Variants in RRAS observed in about 807,000 individuals in gnomAD.
RRAS encodes RAS related.
In RRAS, 18 loss-of-function variants were observed where a neutral mutation model predicts 23.3. The ratio of observed to expected loss-of-function variants is 0.77; its 90% CI spans 0.53 to 1.15. The LOEUF is 1.15. RRAS is among the 50% of genes most tolerant of loss of function. RRAS has a pLI of 0.00. For missense variants in RRAS, 291 were observed against 317.1 expected, an observed-to-expected ratio of 0.92 and a Z score of 0.62; for synonymous variants, 133 against 138.3, an observed-to-expected ratio of 0.96 and a Z score of 0.27.
chr19:49,638,828 G>T (rs1415098140), intron 1 of RRAS, among the ~76,000 whole-genome samples: 1 of 151,720 alleles, frequency 6.6e-6, no homozygotes, highest in Non-Finnish European at 1.5e-5. Context: ...CCATGGAGAT[G>T]ATTTGAGAGC....
At position 49,636,013 on chromosome 19, in the gene RRAS, G is replaced by A. The variant is rs1020919884; in HGVS notation, c.454-161C>T. 6.6e-6 allele frequency among the ~76,000 whole-genome samples: 1 copy of A among 152,208 alleles called. No homozygotes were observed. The highest frequency in any genetic ancestry group is 1.9e-4 in the East Asian group (1 of 5,192). ...GATTATGGAGGGAGATGCCGCAGGG[G>A]CTTGGTGTCTTCTAAGTAAGGGATG... On this transcript the variant is annotated intron_variant, in intron 4 of 5. Coordinates refer to ENST00000246792, the MANE Select transcript of RRAS (RefSeq NM_006270.5). This position sits in a 1 kb window ranked among gnomAD's most constrained non-coding sequence, Gnocchi z 4.5.
At chr19:49,639,559 G>A (rs2081012702) in intron 1 of RRAS, among the ~76,000 whole-genome samples, 1 of 152,102 alleles carries the variant, frequency 6.6e-6, no homozygotes, top group Non-Finnish European at 1.5e-5. Flanking sequence ...CTGGGATTTG[G>A]GGGAGATAGG....
At chr19:49,638,886 A>C (rs944008954) in intron 1 of RRAS, among the ~76,000 whole-genome samples, 4 of 133,168 alleles carry the variant, frequency 3.0e-5, no homozygotes, top group African/African-American at 1.1e-4. Flanking sequence ...CGGAGAAAGC[A>C]TGGGATGGAG....
chr19:49,638,170 C>T (rs2081005622), intron 1 of RRAS, among the ~76,000 whole-genome samples: 1 of 152,162 alleles, frequency 6.6e-6, no homozygotes, highest in Non-Finnish European at 1.5e-5. Flanking sequence ...GGTTCCAATC[C>T]GGCTGCGGAG....
chr19:49,638,273 T>C (rs2122424135), intron 1 of RRAS, among the ~76,000 whole-genome samples: 1 of 152,176 alleles, frequency 6.6e-6, no homozygotes, highest in East Asian at 1.9e-4. Flanking sequence ...GGACTGCCTC[T>C]GGGTGCAAGG....
chr19:49,640,110 T>A lies in RRAS; in HGVS notation c.-12A>T, dbSNP rs1474580777. On this transcript the variant is annotated 5_prime_UTR_variant, in exon 1 of 6. Coordinates refer to ENST00000246792, the MANE Select transcript of RRAS (RefSeq NM_006270.5). Reference sequence around the variant, plus strand: ...GCCCCGCTGCTCATGTCGCCACCGCTGCTGCTGCCTTCGCTACCGCCTGCG... The same window carrying A: ...GCCCCGCTGCTCATGTCGCCACCGCAGCTGCTGCCTTCGCTACCGCCTGCG... 20 of 1,371,754 alleles carry A rather than the reference T, an allele frequency of 1.5e-5. No individual in the cohort carries two copies. The South Asian group carries it at 2.1e-4, about 14-fold the overall frequency. The allele number at this position is 1,371,754 out of a possible 1,614,324, so 85.0% of individuals were successfully genotyped here. A position where few individuals can be genotyped will look rare whatever the true frequency, so the allele number is the denominator to read the frequency against.
rs1230414633 is a variant in RRAS at position 49,636,712 on chromosome 19, GC to G, written c.359del (p.Gly120AlafsTer114). The G allele has an allele frequency of 6.2e-7, 1 of 1,614,062 alleles. No homozygotes were observed. The highest frequency in any genetic ancestry group is 8.5e-7 in the Non-Finnish European group (1 of 1,179,954). On this transcript the variant is annotated frameshift_variant, in exon 4 of 6. Transcript: ENST00000246792. LOFTEE classifies it high-confidence loss of function. The surrounding 1 kb of genome is among the most constrained non-coding windows in gnomAD (Gnocchi z 4.5). ...INDRQSFNEV[G>X]KLFTQILRVK... The stretch of plus-strand genomic sequence containing the variant: ...CCCGCAGAATCTGCGTGAAGAGCTT[GC>G]CCACCTCGTTGAAACTGCGAGTGAA...
chr19:49,637,147 A>G lies in RRAS; in HGVS notation c.154-17T>C, dbSNP rs1200263443. 13 of 1,599,520 alleles carry G rather than the reference A, an allele frequency of 8.1e-6. No individual in the cohort carries two copies. In the Admixed American group the frequency reaches 2.2e-4, roughly 27 times the overall value. On this transcript the variant is annotated splice_polypyrimidine_tract_variant and intron_variant, in intron 1 of 5. Transcript: ENST00000246792. Reference sequence around the variant, plus strand: ...GAAGTAGGACTGGCGGGGTGGGGAGAGGATAGTTACTGCAGTGCCCCGGCA... The same window carrying G: ...GAAGTAGGACTGGCGGGGTGGGGAGGGGATAGTTACTGCAGTGCCCCGGCA...
intron 1 of RRAS, among the ~76,000 whole-genome samples, chr19:49,639,013 G>A (rs1364877932): frequency 6.6e-6 from 1 of 152,060 alleles, no homozygotes; most frequent in Non-Finnish European, 1.5e-5. Context: ...GGGGCAGGAT[G>A]TCTTTTTAAA....
chr19:49,637,852 A>G (rs1599814611), intron 1 of RRAS, among the ~76,000 whole-genome samples: 1 of 143,302 alleles, frequency 7.0e-6, no homozygotes, highest in Non-Finnish European at 1.5e-5. Flanking sequence ...CATGTCCCAC[A>G]TCGTGATTAC....
rs1392082765 is a variant in RRAS at position 49,639,993 on chromosome 19, C to T, written c.106G>A (p.Gly36Ser). 1 of 1,587,004 alleles carries T rather than the reference C, an allele frequency of 6.3e-7. No individual in the cohort carries two copies. The highest frequency in any genetic ancestry group is 8.5e-7 in the Non-Finnish European group (1 of 1,173,306). ...GCGCTCTTGCCCACGCCGCCGCCGC[C>T]CACGACCACCAGCTTGTGTGTCTCG... ...PSETHKLVVV[G>S]GGGVGKSALT... The change falls in exon 1 of 6, where the codon GGC (glycine) becomes AGC (serine). Residue 36 changes from glycine to serine, a missense_variant. Gly to Ser is a moderately conservative substitution (Grantham distance 56). Coordinates refer to ENST00000246792, the MANE Select transcript of RRAS (RefSeq NM_006270.5).
Position 49,636,817 on chromosome 19 carries a change from C to T in RRAS, c.344+7G>A. 1 of 1,612,376 alleles carries T rather than the reference C, an allele frequency of 6.2e-7. No homozygotes were observed. Among genetic ancestry groups the T allele is most frequent in the Non-Finnish European group, 8.5e-7 (1 of 1,179,318 alleles). On this transcript the variant is annotated splice_region_variant and intron_variant, in intron 3 of 5. Transcript: ENST00000246792. The surrounding 1 kb of genome is among the most constrained non-coding windows in gnomAD (Gnocchi z 4.5). ...CCCACTGCTCCGCCACCAGCAACCC[C>T]TGTCACCTCTGCCGGTCGTTAATGG...
At chr19:49,637,441 G>C (rs528878277) in intron 1 of RRAS, among the ~76,000 whole-genome samples, 1 of 151,944 alleles carries the variant, frequency 6.6e-6, no homozygotes, top group East Asian at 1.9e-4. Flanking sequence ...CAAGTAGCTG[G>C]GATTACAGGC....
intron 1 of RRAS, among the ~76,000 whole-genome samples, chr19:49,639,545 G>A (rs924025017): frequency 3.3e-5 from 5 of 152,098 alleles, no homozygotes; most frequent in African/African-American, 1.2e-4. Context: ...GGGGAAGTTG[G>A]GGACTGGGAT....
At chr19:49,635,695 G>A in intron 5 of RRAS, 35 bp from the exon 6 acceptor site, 4 of 1,531,244 alleles carry the variant, frequency 2.6e-6, no homozygotes, top group Non-Finnish European at 3.6e-6. Context: ...GGAGTGGAAG[G>A]GCTGGGGACA....
chr19:49,635,555 G>A lies in RRAS; in HGVS notation c.*21C>T, dbSNP rs372912150. The A allele has an allele frequency of 4.6e-4, 643 of 1,399,142 alleles. 1 individual carries two copies. The highest frequency in any genetic ancestry group is 5.7e-4 in the Non-Finnish European group (605 of 1,061,422). The allele number at this position is 1,399,142 out of a possible 1,614,324, so 86.7% of individuals were successfully genotyped here. ...CAGCTAGTCCCGAGAGCTTGTGGTG[G>A]TTGCTTCTCTCTTGCCTGGGCTACA... On this transcript the variant is annotated 3_prime_UTR_variant, in exon 6 of 6. Transcript: ENST00000246792.
Position 49,635,752 on chromosome 19 carries a change from T to C in RRAS, c.554A>G (p.Gln185Arg). 1.3e-6 allele frequency: 2 copies of C among 1,588,022 alleles called. No individual in the cohort carries two copies. Among genetic ancestry groups the C allele is most frequent in the Non-Finnish European group, 1.7e-6 (2 of 1,160,100 alleles). The change falls in exon 5 of 6, where the codon CAG (glutamine) becomes CGG (arginine). Residue 185 changes from glutamine (Q) to arginine (R), a missense_variant. Coordinates refer to ENST00000246792, the MANE Select transcript of RRAS (RefSeq NM_006270.5). ...GGCTCACCGGACAGCCCGCACCAGC[T>C]GCTCAAAAGCCTCGTCCACGTTGAG... ...LRLNVDEAFE[Q>R]LVRAVRKYQE...
chr19:49,637,050 C>T lies in RRAS; in HGVS notation c.234G>A (p.Arg78=). The part of the protein sequence containing the change: ...KICSVDGIPA[R]LDILDTAGQE... ...CATCCTTGCCGCCCTCACTGTCCAG[C>T]CGGGCTGGGATGCCATCCACACTGC... The change falls in exon 2 of 6, where the codon CGG becomes CGA. Residue 78 remains arginine (R), a synonymous_variant. Transcript: ENST00000246792. 2 of 1,613,598 alleles carry T rather than the reference C, an allele frequency of 1.2e-6. No homozygotes were observed. Among genetic ancestry groups the T allele is most frequent in the Non-Finnish European group, 1.7e-6 (2 of 1,179,864 alleles).
chr19:49,638,417 T>C (rs2081006735), intron 1 of RRAS, among the ~76,000 whole-genome samples: 1 of 152,074 alleles, frequency 6.6e-6, no homozygotes, highest in Admixed American at 6.5e-5. Flanking sequence ...CAAGACACTT[T>C]TCTAGGATTT....
Sources: gnomAD v4.1 joint callset for allele counts (sites outside exome capture counted in the v4.1 genomes callset) on GRCh38, gnomAD v4.1.1 for gene constraint, Gnocchi (gnomAD v3.1) non-coding constraint, MANE v1.5 for transcripts, NCBI Gene and HGNC (gene_info 2026-07-23, HGNC 2026-07-21) for gene names.